Variants in ITPR1 observed in about 807,000 individuals in gnomAD.
ITPR1 encodes inositol 1,4,5-trisphosphate-gated calcium channel ITPR1.
In ITPR1, 96 loss-of-function variants were observed where a neutral mutation model predicts 318.4. The ratio of observed to expected loss-of-function variants is 0.30; its 90% CI spans 0.26 to 0.36. The LOEUF (loss-of-function observed/expected upper bound fraction) is 0.36, where lower values mean the gene tolerates loss of function less well. ITPR1 is among the 10% of genes least tolerant of loss of function. The pLI, the probability that ITPR1 is intolerant of heterozygous loss-of-function variation, is 1.00. For missense variants in ITPR1, 2,440 were observed against 3,460.2 expected, an observed-to-expected ratio of 0.71 and a Z score of 7.40; for synonymous variants, 1,312 against 1,289.9, an observed-to-expected ratio of 1.02 and a Z score of -0.37.
At chr3:4,534,389 G>A (rs1376655654) in intron 4 of ITPR1, among the ~76,000 whole-genome samples, 1 of 152,206 alleles carries the variant, frequency 6.6e-6, no homozygotes, top group African/African-American at 2.4e-5. Context: ...CTCTCCCCAA[G>A]GTGAGTGGTC....
At chr3:4,643,400 C>T (rs4685785) in intron 7 of ITPR1, among the ~76,000 whole-genome samples, 114,015 of 152,062 alleles carry the variant, frequency 0.75, 43,631 homozygotes, top group East Asian at 1. Flanking sequence ...ATCCTTTAAA[C>T]GAATCTGTGT....
chr3:4,801,016 G>A (rs1654009212), intron 54 of ITPR1, among the ~76,000 whole-genome samples: 1 of 152,224 alleles, frequency 6.6e-6, no homozygotes, highest in African/African-American at 2.4e-5. Context: ...GGATAGGTAA[G>A]AGGGCCTGGC....
chr3:4,610,933 T>TCCCTTCCCTC (rs2092045760), intron 4 of ITPR1, among the ~76,000 whole-genome samples: 1 of 50,732 alleles, frequency 2.0e-5, no homozygotes, highest in Non-Finnish European at 3.7e-5. Flanking sequence ...TCCCTTCCCT[T>TCCCTTCCCTC]CCCCTTCCTC....
intron 49 of ITPR1, among the ~76,000 whole-genome samples, chr3:4,781,381 T>C (rs1356951910): frequency 1.3e-5 from 2 of 152,196 alleles, no homozygotes; most frequent in East Asian, 1.9e-4. Context: ...GTTCATTTGA[T>C]AAGTGTTGGC....
chr3:4,725,324 C>T (rs956204726), intron 40 of ITPR1, among the ~76,000 whole-genome samples: 4 of 152,084 alleles, frequency 2.6e-5, no homozygotes, highest in South Asian at 2.1e-4. Flanking sequence ...GTTCCCCCAT[C>T]GCAGGTCGAT....
intron 4 of ITPR1, among the ~76,000 whole-genome samples, chr3:4,562,144 A>C (rs1203250393): frequency 6.6e-6 from 1 of 152,170 alleles, no homozygotes; most frequent in African/African-American, 2.4e-5. Context: ...GTTTTAAGAA[A>C]GTTTACAGAT....
chr3:4,654,023 C>T, intron 12 of ITPR1, 137 bp downstream of exon 12: 1 of 621,858 alleles, frequency 1.6e-6, no homozygotes, highest in East Asian at 2.8e-5. Flanking sequence ...AAAACACGAT[C>T]ATGTTCTGTG....
At chr3:4,664,876 C>A (rs534393830) in intron 16 of ITPR1, among the ~76,000 whole-genome samples, 3 of 152,192 alleles carry the variant, frequency 2.0e-5, no homozygotes, top group African/African-American at 7.2e-5. Flanking sequence ...TCTGCTGATT[C>A]CATTGTCTGT....
Position 4,697,144 on chromosome 3 carries a change from C to T in ITPR1, c.4282-3C>T, listed in dbSNP as rs758744893. The T allele has an allele frequency of 2.5e-6, 4 of 1,609,812 alleles. No individual in the cohort carries two copies. The highest frequency in any genetic ancestry group is 3.4e-6 in the Non-Finnish European group (4 of 1,177,826). On this transcript the variant is annotated splice_region_variant and splice_polypyrimidine_tract_variant and intron_variant, in intron 33 of 61. Coordinates refer to ENST00000649015, the MANE Select transcript of ITPR1 (RefSeq NM_001378452.1). ...TTCAGAAAAGCTTCTTTCTATCTTG[C>T]AGGTTAAAATTGCATACATTAACTT...
chr3:4,496,758 G>C lies in ITPR1; in HGVS notation c.-17+2252G>C, dbSNP rs1255277128. 2.6e-5 allele frequency among the ~76,000 whole-genome samples: 4 copies of C among 152,260 alleles called. No individual in the cohort carries two copies. The East Asian group carries it at 7.7e-4, about 29-fold the overall frequency. Reference sequence around the variant, plus strand: ...GTGTGCAACCAACTGACTTCCAGAGGGGGGAATATCACATGGCTTTTCAAC... The same window carrying C: ...GTGTGCAACCAACTGACTTCCAGAGCGGGGAATATCACATGGCTTTTCAAC... On this transcript the variant is annotated intron_variant, in intron 2 of 61. Coordinates refer to ENST00000649015, the MANE Select transcript of ITPR1 (RefSeq NM_001378452.1).
At chr3:4,608,023 T>C (rs1412743431) in intron 4 of ITPR1, among the ~76,000 whole-genome samples, 5 of 152,130 alleles carry the variant, frequency 3.3e-5, no homozygotes, top group African/African-American at 9.7e-5. Flanking sequence ...AGGGCTGTTA[T>C]CATTTATACT....
intron 60 of ITPR1, chr3:4,825,701 G>C (rs780203988): frequency 2.2e-6 from 1 of 456,286 alleles, no homozygotes; most frequent in East Asian, 7.0e-5. Context: ...TAATACCTGC[G>C]TGTCACTACC....
Position 4,710,280 on chromosome 3 carries a change from C to A in ITPR1, c.4843-45C>A. ...ATCAATGTCCTCACCCTCCTGTGGT[C>A]AGCGTCTGCCTGAGCCGTTGACTGA... On this transcript the variant is annotated intron_variant, in intron 37 of 61. Transcript: ENST00000649015. This position sits in a 1 kb window ranked among gnomAD's most constrained non-coding sequence, Gnocchi z 4.2. 6.8e-7 allele frequency: 1 copy of A among 1,476,348 alleles called. No homozygotes were observed. The highest frequency in any genetic ancestry group is 1.4e-5 in the South Asian group (1 of 72,650). The allele number at this position is 1,476,348 out of a possible 1,614,324, so 91.5% of individuals were successfully genotyped here.
intron 16 of ITPR1, 60 bp from the exon 17 acceptor site, chr3:4,665,078 A>G: frequency 6.3e-7 from 1 of 1,577,872 alleles, no homozygotes; most frequent in Non-Finnish European, 8.7e-7. Context: ...ACTTCCAAAC[A>G]GAGGGTTAGC....
At chr3:4,746,835 C>T (rs189659893) in intron 44 of ITPR1, among the ~76,000 whole-genome samples, 18 of 152,322 alleles carry the variant, frequency 1.2e-4, no homozygotes, top group African/African-American at 4.3e-4. Flanking sequence ...ACTCTGCTTA[C>T]TTTTTGGTTG....
At chr3:4,834,923 C>G (rs908714555) in intron 60 of ITPR1, among the ~76,000 whole-genome samples, 2 of 152,134 alleles carry the variant, frequency 1.3e-5, no homozygotes, top group Admixed American at 6.5e-5. Context: ...TTTTTCTCCT[C>G]CAGCAGTCAC....
intron 2 of ITPR1, among the ~76,000 whole-genome samples, chr3:4,506,545 T>A (rs1259326377): frequency 2.6e-5 from 4 of 152,224 alleles, no homozygotes; most frequent in African/African-American, 9.6e-5. Flanking sequence ...TTTGTCTTGC[T>A]TGTTTTATCT....
intron 7 of ITPR1, among the ~76,000 whole-genome samples, chr3:4,643,628 A>C (rs923660623): frequency 6.6e-6 from 1 of 151,694 alleles, no homozygotes; most frequent in African/African-American, 2.4e-5. Flanking sequence ...TTTTAGTTAC[A>C]TATATATATA....
At chr3:4,732,582 T>C (rs1575054701) in intron 42 of ITPR1, among the ~76,000 whole-genome samples, 1 of 152,350 alleles carries the variant, frequency 6.6e-6, no homozygotes, top group East Asian at 1.9e-4. Flanking sequence ...TGTCTTTTGT[T>C]TTTTTAACCA....
Sources: allele counts gnomAD v4.1 joint callset (sites outside exome capture counted in the v4.1 genomes callset), GRCh38; gene constraint gnomAD v4.1.1; non-coding constraint Gnocchi (gnomAD v3.1); transcripts MANE v1.5; gene names NCBI Gene and HGNC (gene_info 2026-07-23, HGNC 2026-07-21).